The following EIF4G3 variants were observed in gnomAD, a reference collection of about 807,000 sequenced individuals.
EIF4G3 encodes eIF-4-gamma 3.
Under a neutral mutation model 186.4 loss-of-function variants are expected in EIF4G3, and 34 were observed. The ratio of observed to expected loss-of-function variants is 0.18; its 90% CI spans 0.14 to 0.24. The LOEUF is 0.24. EIF4G3 is among the 10% of genes least tolerant of loss of function. The probability of loss-of-function intolerance (pLI) is 1.00; values close to 1 mark genes in which losing one functional copy is unlikely to be tolerated. For missense variants in EIF4G3, 1,536 were observed against 1,948.5 expected, an observed-to-expected ratio of 0.79 and a Z score of 3.99; for synonymous variants, 673 against 679.5, an observed-to-expected ratio of 0.99 and a Z score of 0.15.
At chr1:21,115,148 C>G (rs2096794695) in intron 2 of EIF4G3, among the ~76,000 whole-genome samples, 1 of 152,104 alleles carries the variant, frequency 6.6e-6, no homozygotes, top group Non-Finnish European at 1.5e-5. Flanking sequence ...AAAACTTTTC[C>G]TTTGCATTCA....
At chr1:20,982,594 A>G in intron 7 of EIF4G3, 186 bp from the exon 8 acceptor site, 1 of 539,966 alleles carries the variant, frequency 1.9e-6, no homozygotes, top group Non-Finnish European at 3.2e-6. Flanking sequence ...GAATTTAACC[A>G]CACATAGAAT....
At chr1:20,902,607 T>A (rs116499912) in intron 15 of EIF4G3, among the ~76,000 whole-genome samples, 3,737 of 152,260 alleles carry the variant, frequency 0.025, 82 homozygotes, top group Middle Eastern at 0.044. Flanking sequence ...AAAGCAAATA[T>A]TTTTTGTCTT....
At chr1:20,829,489 T>C (rs1190968481) in intron 30 of EIF4G3, among the ~76,000 whole-genome samples, 1 of 151,984 alleles carries the variant, frequency 6.6e-6, no homozygotes, top group African/African-American at 2.4e-5. Flanking sequence ...TACTTGCAAA[T>C]AGGGCTAATA....
chr1:20,811,593 T>A (rs1252379959), intron 35 of EIF4G3, among the ~76,000 whole-genome samples: 3 of 152,112 alleles, frequency 2.0e-5, no homozygotes, highest in Non-Finnish European at 4.4e-5. Flanking sequence ...CCCTCAGGAG[T>A]AGCGTACCCA....
At chr1:20,882,832 G>A (rs2082840753) in intron 19 of EIF4G3, among the ~76,000 whole-genome samples, 1 of 151,632 alleles carries the variant, frequency 6.6e-6, no homozygotes, top group South Asian at 2.1e-4. Flanking sequence ...GTTCATACCT[G>A]GAATCCCAGC....
At chr1:20,970,344 T>A (rs1217621461) in intron 11 of EIF4G3, among the ~76,000 whole-genome samples, 1 of 152,162 alleles carries the variant, frequency 6.6e-6, no homozygotes, top group African/African-American at 2.4e-5. Flanking sequence ...CCAGGCGCGG[T>A]GGCTCACGCC....
Position 20,807,003 on chromosome 1 carries a change from CT to C in EIF4G3, c.*315del, listed in dbSNP as rs200324002. On this transcript the variant is annotated 3_prime_UTR_variant, in exon 37 of 37. Transcript: ENST00000602326. ...CTTAAAATAAATTAAAAGTTCTCAA[CT>C]TTTTTTTTTTTTGCTAAACATTTTT... 7,367 of 157,028 alleles carry C rather than the reference CT, an allele frequency of 0.047. 159 individuals are homozygous for C. Among genetic ancestry groups the C allele is most frequent in the East Asian group, 0.14 (839 of 5,912 alleles). The allele number at this position is 157,028 out of a possible 1,614,324, so 9.7% of individuals were successfully genotyped here. A position where few individuals can be genotyped will look rare whatever the true frequency, so the allele number is the denominator to read the frequency against.
At chr1:20,980,518 T>G in intron 9 of EIF4G3, 70 bp from the exon 10 acceptor site, 1 of 1,057,000 alleles carries the variant, frequency 9.5e-7, no homozygotes, top group East Asian at 3.0e-5. Context: ...AATAAAATAA[T>G]AAGAAAGTAG....
At chr1:20,912,324 T>G (rs181070638) in intron 14 of EIF4G3, among the ~76,000 whole-genome samples, 2 of 152,276 alleles carry the variant, frequency 1.3e-5, no homozygotes, top group East Asian at 3.9e-4. Flanking sequence ...TTTTCTACAT[T>G]TGTGGAGATA....
chr1:21,162,429 A>G lies in EIF4G3; in HGVS notation c.-272+13746T>C, dbSNP rs558507806. Among the ~76,000 whole-genome samples the G allele has an allele frequency of 2.0e-5, 3 of 149,600 alleles. No individual in the cohort carries two copies. In the East Asian group the frequency reaches 5.9e-4, roughly 29 times the overall value. ...ACACCACAGCACTCCAGCCTGGGCAACAGAGCAAGACATCATCTTAAAAAA... is the reference window on the plus strand; with the variant it reads ...ACACCACAGCACTCCAGCCTGGGCAGCAGAGCAAGACATCATCTTAAAAAA... On this transcript the variant is annotated intron_variant, in intron 2 of 36. Coordinates refer to ENST00000602326, the MANE Select transcript of EIF4G3 (RefSeq NM_001391906.1).
chr1:21,037,606 A>G (rs540688991), intron 4 of EIF4G3, among the ~76,000 whole-genome samples: 2 of 152,358 alleles, frequency 1.3e-5, no homozygotes, highest in Admixed American at 1.3e-4. Context: ...ACAGACCACG[A>G]TGCAAAGCAT....
At chr1:20,868,085 A>ATTTTTTT (rs1553236764) in intron 20 of EIF4G3, among the ~76,000 whole-genome samples, 3 of 14,686 alleles carry the variant, frequency 2.0e-4, no homozygotes, top group Non-Finnish European at 3.9e-4. Flanking sequence ...ATTCATGGTG[A>ATTTTTTT]TTTTCTTTTT....
At chr1:20,980,844 T>A (rs778760257) in intron 9 of EIF4G3, among the ~76,000 whole-genome samples, 18 of 152,198 alleles carry the variant, frequency 1.2e-4, no homozygotes, top group Non-Finnish European at 2.2e-4. Flanking sequence ...TTTATCATTT[T>A]AAAAAATTTT....
intron 2 of EIF4G3, among the ~76,000 whole-genome samples, chr1:21,090,987 T>C (rs868371822): frequency 2.0e-5 from 3 of 152,134 alleles, no homozygotes; most frequent in Non-Finnish European, 4.4e-5. Context: ...TATTTCTACA[T>C]AGTTCTGAAA....
chr1:20,951,730 G>A (rs1490091764), intron 12 of EIF4G3, among the ~76,000 whole-genome samples: 2 of 140,212 alleles, frequency 1.4e-5, no homozygotes, highest in Non-Finnish European at 3.2e-5. Context: ...CAATTGCCTG[G>A]GAAATTAATA....
At chr1:21,017,943 AT>A (rs553573382) in intron 4 of EIF4G3, among the ~76,000 whole-genome samples, 4 of 150,856 alleles carry the variant, frequency 2.7e-5, no homozygotes, top group African/African-American at 7.3e-5. Context: ...ACAATTACAT[AT>A]TTTTTTTTCC....
At chr1:20,860,350 C>A in intron 24 of EIF4G3, 35 bp downstream of exon 24, 5 of 1,611,284 alleles carry the variant, frequency 3.1e-6, no homozygotes, top group Non-Finnish European at 4.2e-6. Context: ...CTGAAACTTC[C>A]AAGTTCTCTA....
At position 21,018,656 on chromosome 1, in the gene EIF4G3, T is replaced by C. The variant is rs1479991948; in HGVS notation, c.-66-15848A>G. ...GACCCCCAATGTTGGAGCTGGAGTC[T>C]AATGGGAAGTGTTTGGATTAAGGGA... On this transcript the variant is annotated intron_variant, in intron 4 of 36. Coordinates refer to ENST00000602326, the MANE Select transcript of EIF4G3 (RefSeq NM_001391906.1). 6.0e-4 allele frequency among the ~76,000 whole-genome samples: 91 copies of C among 152,136 alleles called. 1 individual carries two copies. The highest frequency in any genetic ancestry group is 4.4e-5 in the Non-Finnish European group (3 of 68,022).
At chr1:20,827,552 CCAAGATCAAGAT>C in intron 32 of EIF4G3, 53 bp downstream of exon 32, 1 of 1,037,320 alleles carries the variant, frequency 9.6e-7, no homozygotes, top group Non-Finnish European at 1.4e-6. Context: ...CACAGATAAC[CCAAGATCAAGAT>C]CACTGCCCTT....
Sources: gnomAD v4.1 joint callset for allele counts (sites outside exome capture counted in the v4.1 genomes callset) on GRCh38, gnomAD v4.1.1 for gene constraint, MANE v1.5 for transcripts, NCBI Gene and HGNC (gene_info 2026-07-23, HGNC 2026-07-21) for gene names.